The following ENTPD2 variants were observed in gnomAD, a reference collection of about 807,000 sequenced individuals.
ENTPD2 encodes ectonucleoside triphosphate diphosphohydrolase 2, also known as CD39 antigen-like 1.
In ENTPD2, 48 loss-of-function variants were observed where a neutral mutation model predicts 46.8. The observed-to-expected ratio is 1.03, with a 90% CI of 0.81 to 1.30. ENTPD2 has a LOEUF of 1.30. Among genes scored for constraint, ENTPD2 ranks in the 50% most tolerant of loss-of-function variants. The probability of loss-of-function intolerance (pLI) is 0.00; values close to 1 mark genes in which losing one functional copy is unlikely to be tolerated. For synonymous variants in ENTPD2, 316 were observed against 286.1 expected (o/e 1.10, Z -1.06); for missense variants, 707 against 651.1 (o/e 1.09, Z -0.93).
At chr9:137,049,202 A>T (rs1242715633) in intron 7 of ENTPD2, 127 bp from the exon 8 acceptor site, 2 of 1,446,836 alleles carry the variant, frequency 1.4e-6, no homozygotes, top group East Asian at 4.9e-5. Flanking sequence ...GCCAGAGACC[A>T]CCACACAGGC....
At chr9:137,052,553 A>T in intron 1 of ENTPD2, 1 of 475,016 alleles carries the variant, frequency 2.1e-6, no homozygotes, top group Non-Finnish European at 3.8e-6. Flanking sequence ...TGGGGAGGTG[A>T]CTCTTCCCTC....
chr9:137,052,449 C>CA lies in ENTPD2; in HGVS notation c.118-102_118-101insT, dbSNP rs943448118. ...TTCCTCCAGTTTGCCACCGCTCCCC[C>CA]CCCCACCCAGTCATGTGCCAAGCCT... On this transcript the variant is annotated intron_variant, in intron 1 of 8. Coordinates refer to ENST00000355097, the MANE Select transcript of ENTPD2 (RefSeq NM_203468.3). 2.5e-5 allele frequency: 22 copies of CA among 884,602 alleles called. 1 individual carries two copies. The highest frequency in any genetic ancestry group is 4.6e-5 in the African/African-American group (2 of 43,196). 54.8% of individuals were successfully genotyped at this position (884,602 alleles called of 1,614,324 possible).
In ENTPD2 at chr9:137,050,918, A is replaced by G. The variant is rs1264641950; in HGVS notation, c.758T>C (p.Leu253Pro). ...GAGGGGCACCTGGAGGGCGCTGGCC[A>G]GCAGCCTCTGGAGGACCTGGTCACG... is the stretch of plus-strand genomic sequence containing the variant. ...YGRDQVLQRL[L>P]ASALQTHGFH... Residue 253 changes from leucine to proline, a missense_variant, in exon 5 of 9, where the codon CTG becomes CCG. Physicochemically the swap from Leu to Pro is moderately conservative, Grantham distance 98 (BLOSUM62 -3). Transcript: ENST00000355097. The G allele has an allele frequency of 1.2e-6, 2 of 1,611,688 alleles. No individual in the cohort carries two copies. Among genetic ancestry groups the G allele is most frequent in the Admixed American group, 3.3e-5 (2 of 60,018 alleles).
intron 7 of ENTPD2, 99 bp downstream of exon 7, chr9:137,049,771 G>A: frequency 2.2e-6 from 3 of 1,358,656 alleles, no homozygotes; most frequent in Non-Finnish European, 3.0e-6. Context: ...CACTGCAGCG[G>A]GTGCTCCGAG....
At chr9:137,048,904 CGCAAGGTCGG>C in intron 8 of ENTPD2, 27 bp downstream of exon 8, 1 of 1,486,004 alleles carries the variant, frequency 6.7e-7, no homozygotes, top group Non-Finnish European at 9.0e-7. Context: ...GGCCCCGCCC[CGCAAGGTCGG>C]CCCCGCCCCG....
Position 137,050,545 on chromosome 9 carries a change from G to A in ENTPD2, c.775-7C>T. On this transcript the variant is annotated splice_region_variant and splice_polypyrimidine_tract_variant and intron_variant, in intron 5 of 8. Transcript: ENST00000355097. ...AGGGGTGGAAGCCGTGGGTCTGGGG[G>A]AATCACCAGCGTGACAGGGTGGCAC... 2.5e-6 allele frequency: 4 copies of A among 1,610,084 alleles called. No homozygotes were observed. The African/African-American group carries it at 4.0e-5, about 16-fold the overall frequency.
chr9:137,052,308 A>G lies in ENTPD2; in HGVS notation c.158T>C (p.Met53Thr). Residue 53 changes from methionine to threonine, a missense_variant, in exon 2 of 9, where the codon ATG (methionine) becomes ACG (threonine). Met to Thr is a moderately conservative substitution (Grantham distance 81). Transcript: ENST00000355097. ...GTCTGCCGGCCACTTGTAGATAAAC[A>G]TGGACGTGTGTGAAGAACCAGCGTC... ...VLDAGSSHTS[M>T]FIYKWPADKE... 6.5e-7 allele frequency: 1 copy of G among 1,544,534 alleles called. No homozygotes were observed. Among genetic ancestry groups the G allele is most frequent in the South Asian group, 1.1e-5 (1 of 90,232 alleles).
At chr9:137,049,705 C>T in intron 7 of ENTPD2, 165 bp downstream of exon 7, 1 of 778,802 alleles carries the variant, frequency 1.3e-6, no homozygotes, top group South Asian at 1.9e-5. Flanking sequence ...TTGTTCACAG[C>T]CTACCGGCCA....
At chr9:137,051,950 G>A (rs1832306362) in intron 2 of ENTPD2, among the ~76,000 whole-genome samples, 1 of 152,112 alleles carries the variant, frequency 6.6e-6, no homozygotes, top group South Asian at 2.1e-4. Context: ...TGTCCGCCAG[G>A]CCCCCAGACC....
At position 137,053,991 on chromosome 9, in the gene ENTPD2, C is replaced by T; in HGVS notation, c.7G>A (p.Gly3Arg). MA[G>R]KVRSLLPPLL... ...GGCGGCAGCAGTGACCGCACCTTCC[C>T]GGCCATGGGCGGGCGGGCGCGCGGG... The change falls in exon 1 of 9, where the codon GGG becomes AGG. Residue 3 changes from glycine to arginine, a missense_variant. Coordinates refer to ENST00000355097, the MANE Select transcript of ENTPD2 (RefSeq NM_203468.3). 3.3e-6 allele frequency: 4 copies of T among 1,203,162 alleles called. No individual in the cohort carries two copies. The highest frequency in any genetic ancestry group is 8.3e-5 in the South Asian group (2 of 24,204). 74.5% of individuals were successfully genotyped at this position (1,203,162 alleles called of 1,614,324 possible). A position where few individuals can be genotyped will look rare whatever the true frequency, so the allele number is the denominator to read the frequency against.
In ENTPD2 at chr9:137,049,898, A is replaced by C. The variant is rs756968721; in HGVS notation, c.1121T>G (p.Val374Gly). 1 of 1,612,140 alleles carries C rather than the reference A, an allele frequency of 6.2e-7. No homozygotes were observed. Among genetic ancestry groups the C allele is most frequent in the African/African-American group, 1.3e-5 (1 of 75,018 alleles). ...AGCCCAGGTCTGGTTGCAGACATTCACTGCGGCTGCCTCCAGCTGCTGCAG... is the reference window on the plus strand; with the variant it reads ...AGCCCAGGTCTGGTTGCAGACATTCCCTGCGGCTGCCTCCAGCTGCTGCAG... ...ATLQQLEAAAVNVCNQTWAQL... is the reference protein window; with the variant it reads ...ATLQQLEAAAGNVCNQTWAQL... The change falls in exon 7 of 9, where the codon GTG becomes GGG. Residue 374 changes from valine to glycine, a missense_variant. Physicochemically the swap from Val to Gly is moderately radical, Grantham distance 109. Coordinates refer to ENST00000355097, the MANE Select transcript of ENTPD2 (RefSeq NM_203468.3).
At position 137,048,398 on chromosome 9, in the gene ENTPD2, A is replaced by C; in HGVS notation, c.*259T>G. On this transcript the variant is annotated 3_prime_UTR_variant, in exon 9 of 9. Coordinates refer to ENST00000355097, the MANE Select transcript of ENTPD2 (RefSeq NM_203468.3). ...TGTGGGTACCAGAGTCTCAGTTCCT[A>C]TTTCCTGGGCTGCCTTAGGGGCAGA... The C allele has an allele frequency of 5.1e-6, 2 of 389,396 alleles. No individual in the cohort carries two copies. The highest frequency in any genetic ancestry group is 4.5e-6 in the Non-Finnish European group (1 of 221,904). The allele number at this position is 389,396 out of a possible 1,614,324, so 24.1% of individuals were successfully genotyped here.
Position 137,049,959 on chromosome 9 carries a change from A to G in ENTPD2, c.1060T>C (p.Phe354Leu), listed in dbSNP as rs142006237. ...GGCAGCCCCATCGAAGTCCGCAAAA[A>G]GTCCACAGTGTAGAAGAAGGCAGAG... The part of the protein sequence containing the change: ...AFSAFFYTVD[F>L]LRTSMGLPVA... Residue 354 changes from phenylalanine to leucine, a missense_variant, in exon 7 of 9, where the codon TTT becomes CTT. Physicochemically the swap from Phe to Leu is conservative, Grantham distance 22. Coordinates refer to ENST00000355097, the MANE Select transcript of ENTPD2 (RefSeq NM_203468.3). The G allele has an allele frequency of 1.1e-5, 17 of 1,612,462 alleles. No homozygotes were observed. In the South Asian group the frequency reaches 1.2e-4, roughly 11 times the overall value.
chr9:137,049,107 C>T (rs777391003), intron 7 of ENTPD2, 32 bp from the exon 8 acceptor site: 2 of 1,530,340 alleles, frequency 1.3e-6, no homozygotes, highest in Non-Finnish European at 1.7e-6. Flanking sequence ...GTCAGGCAGG[C>T]GACCACCAGG....
rs774142681 is a variant in ENTPD2, at chr9:137,051,246, C to CT, written c.510_511insA (p.Val171SerfsTer42). Reference sequence around the variant, plus strand: ...TTCTCCAGCAGGTAGTTGGCAGTCACCCAGCCAAACACCCCCTCTTCCTGG... The same window carrying CT: ...TTCTCCAGCAGGTAGTTGGCAGTCACTCCAGCCAAACACCCCCTCTTCCTGG... On this transcript the variant is annotated frameshift_variant, in exon 4 of 9. Transcript: ENST00000355097. LOFTEE classifies it high-confidence loss of function. 1.7e-5 allele frequency: 28 copies of CT among 1,612,912 alleles called. No individual in the cohort carries two copies. Among genetic ancestry groups the CT allele is most frequent in the Non-Finnish European group, 2.4e-5 (28 of 1,179,902 alleles).
Position 137,052,355 on chromosome 9 carries a change from G to C in ENTPD2, c.118-7C>G. Reference sequence around the variant, plus strand: ...CGTCCAGGACGATGCCATACTGCGGGGGAGGGGGAGGGAGTCAGCCTGGGG... The same window carrying C: ...CGTCCAGGACGATGCCATACTGCGGCGGAGGGGGAGGGAGTCAGCCTGGGG... On this transcript the variant is annotated splice_polypyrimidine_tract_variant and splice_region_variant and intron_variant, in intron 1 of 8. Transcript: ENST00000355097. 1 of 1,419,112 alleles carries C rather than the reference G, an allele frequency of 7.0e-7. No homozygotes were observed. Among genetic ancestry groups the C allele is most frequent in the Non-Finnish European group, 9.9e-7 (1 of 1,007,656 alleles). The allele number at this position is 1,419,112 out of a possible 1,614,324, so 87.9% of individuals were successfully genotyped here. A position where few individuals can be genotyped will look rare whatever the true frequency, so the allele number is the denominator to read the frequency against.
intron 2 of ENTPD2, 121 bp from the exon 3 acceptor site, chr9:137,051,781 C>T: frequency 2.1e-6 from 3 of 1,397,702 alleles, no homozygotes; most frequent in African/African-American, 1.4e-5. Flanking sequence ...CACACCTTCC[C>T]TGCTTAAGCC....
At position 137,048,825 on chromosome 9, in the gene ENTPD2, G is replaced by A; in HGVS notation, c.1320C>T (p.Tyr440=). ...GGATCAGGTTGGTCAGGTTCAGCAT[G>A]TAGCCGAGCGCCCAGCCCACTGCAG... is the stretch of plus-strand genomic sequence containing the variant. The part of the protein sequence containing the change: ...ADTAVGWALG[Y]MLNLTNLIPA... Residue 440 remains tyrosine (Y), a synonymous_variant, in exon 9 of 9, where the codon TAC becomes TAT. Transcript: ENST00000355097. The A allele has an allele frequency of 6.4e-7, 1 of 1,563,422 alleles. No homozygotes were observed. The highest frequency in any genetic ancestry group is 1.8e-5 in the Admixed American group (1 of 55,744).
chr9:137,050,509 C>T lies in ENTPD2; in HGVS notation c.804G>A (p.Arg268=), dbSNP rs1364818536. 2 of 1,612,600 alleles carry T rather than the reference C, an allele frequency of 1.2e-6. No homozygotes were observed. The highest frequency in any genetic ancestry group is 2.7e-5 in the African/African-American group (2 of 74,924). The stretch of plus-strand genomic sequence containing the variant: ...CGAGCAGCACTTGGGTGGAAAAGCC[C>T]CTCGGCCAGCAGGGGTGGAAGCCGT... ...QTHGFHPCWP[R]GFSTQVLLGD... The change falls in exon 6 of 9, where the codon AGG becomes AGA. Residue 268 remains arginine (R), a synonymous_variant. Transcript: ENST00000355097.
Sources: gnomAD v4.1 joint callset for allele counts (sites outside exome capture counted in the v4.1 genomes callset) on GRCh38, gnomAD v4.1.1 for gene constraint, MANE v1.5 for transcripts, NCBI Gene and HGNC (gene_info 2026-07-23, HGNC 2026-07-21) for gene names.